The following TSKU variants were observed in gnomAD, a reference collection of about 807,000 sequenced individuals.
The protein encoded by TSKU is tsukushi.
A neutral mutation model predicts 11.2 loss-of-function variants in TSKU; 4 were observed. That is an observed-to-expected ratio of 0.36 (90% CI 0.18 to 0.82). The LOEUF is 0.82. Ranked by LOEUF, TSKU falls within the 40% of genes least tolerant of loss-of-function variation. TSKU has a pLI of 0.50. For synonymous variants in TSKU, 220 were observed against 232.2 expected (o/e 0.95, Z 0.48); for missense variants, 407 against 482.5 (o/e 0.84, Z 1.47).
chr11:76,788,674 C>T (rs948687296), intron 1 of TSKU, among the ~76,000 whole-genome samples: 3 of 152,206 alleles, frequency 2.0e-5, no homozygotes, highest in African/African-American at 4.8e-5. Flanking sequence ...TGAGGACCCT[C>T]GGAGCGGGTC....
rs969959087 is a variant in TSKU, at chr11:76,796,044, T to C, written c.428T>C (p.Leu143Pro). The change falls in exon 2 of 2, where the codon CTC becomes CCC. Residue 143 changes from leucine (L) to proline (P), a missense_variant. Coordinates refer to ENST00000333090, the MANE Select transcript of TSKU (RefSeq NM_015516.4). The surrounding 1 kb of genome is among the most constrained non-coding windows in gnomAD (Gnocchi z 4.1). ...LSDVNLSHNQLREVSVSAFTT... is the reference protein window; with the variant it reads ...LSDVNLSHNQPREVSVSAFTT... Reference sequence around the variant, plus strand: ...GACGTGAACCTTAGCCACAACCAGCTCCGGGAGGTCTCAGTGTCTGCCTTC... The same window carrying C: ...GACGTGAACCTTAGCCACAACCAGCCCCGGGAGGTCTCAGTGTCTGCCTTC... 1 of 1,613,446 alleles carries C rather than the reference T, an allele frequency of 6.2e-7. No homozygotes were observed. The highest frequency in any genetic ancestry group is 8.5e-7 in the Non-Finnish European group (1 of 1,179,904).
chr11:76,795,891 G>A lies in TSKU; in HGVS notation c.275G>A (p.Ser92Asn), dbSNP rs747578219. ...ACGACGTTGGCTGGCCTGGATCTCA[G>A]CCACAACCTGCTCACCAGCATCTCA... Reference protein sequence around the residue: ...GYTTLAGLDLSHNLLTSISPT... With the variant: ...GYTTLAGLDLNHNLLTSISPT... Residue 92 changes from serine (S) to asparagine (N), a missense_variant, in exon 2 of 2, where the codon AGC becomes AAC. Transcript: ENST00000333090. 1 of 1,613,844 alleles carries A rather than the reference G, an allele frequency of 6.2e-7. No homozygotes were observed. Among genetic ancestry groups the A allele is most frequent in the East Asian group, 2.2e-5 (1 of 44,876 alleles).
chr11:76,796,361 G>T lies in TSKU; in HGVS notation c.745G>T (p.Gly249Cys). 6.2e-7 allele frequency: 1 copy of T among 1,613,336 alleles called. No homozygotes were observed. Among genetic ancestry groups the T allele is most frequent in the Non-Finnish European group, 8.5e-7 (1 of 1,180,002 alleles). ...LQRLPELAPS[G>C]FRELPGLQVL... ...GAGGCTCCCTGAGCTGGCGCCCAGT[G>T]GCTTCCGTGAGCTACCGGGCCTGCA... The change falls in exon 2 of 2, where the codon GGC becomes TGC. Residue 249 changes from glycine (G) to cysteine (C), a missense_variant. Gly to Cys is a radical substitution (Grantham distance 159). Coordinates refer to ENST00000333090, the MANE Select transcript of TSKU (RefSeq NM_015516.4). This position sits in a 1 kb window ranked among gnomAD's most constrained non-coding sequence, Gnocchi z 4.1.
intron 1 of TSKU, among the ~76,000 whole-genome samples, chr11:76,794,056 G>C (rs1944409181): frequency 6.6e-6 from 1 of 152,170 alleles, no homozygotes; most frequent in Non-Finnish European, 1.5e-5. Flanking sequence ...GGAGGGCAGG[G>C]GCCCAGAGCA....
At chr11:76,789,125 C>T (rs752233094) in intron 1 of TSKU, among the ~76,000 whole-genome samples, 3 of 152,224 alleles carry the variant, frequency 2.0e-5, no homozygotes, top group Admixed American at 2.0e-4. Context: ...GCCCCAGTTG[C>T]CCATGATCCC....
intron 1 of TSKU, chr11:76,792,317 A>T (rs1455692039): frequency 6.6e-6 from 1 of 152,166 alleles, no homozygotes; most frequent in East Asian, 1.9e-4. Flanking sequence ...GAAGTAACTA[A>T]CTTGCTTTTG....
At chr11:76,787,531 T>C (rs991140253) in intron 1 of TSKU, among the ~76,000 whole-genome samples, 1 of 152,176 alleles carries the variant, frequency 6.6e-6, no homozygotes, top group Non-Finnish European at 1.5e-5. Flanking sequence ...GTAAAGTAGA[T>C]ATGACGCCAT....
Position 76,796,482 on chromosome 11 carries a change from C to T in TSKU, c.866C>T (p.Thr289Ile), listed in dbSNP as rs758698062. Residue 289 changes from threonine (T) to isoleucine (I), a missense_variant, in exon 2 of 2, where the codon ACC (threonine) becomes ATC (isoleucine). Thr to Ile is a moderately conservative substitution (Grantham distance 89, BLOSUM62 -1). Coordinates refer to ENST00000333090, the MANE Select transcript of TSKU (RefSeq NM_015516.4). The surrounding 1 kb of genome is among the most constrained non-coding windows in gnomAD (Gnocchi z 4.1). The part of the protein sequence containing the change: ...SSLQELDLSG[T>I]NLVPLPEALL... ...CTGCAGGAGCTGGACCTTTCGGGCA[C>T]CAACCTGGTGCCCCTGCCTGAGGCG... is the stretch of plus-strand genomic sequence containing the variant. 3.1e-6 allele frequency: 5 copies of T among 1,612,818 alleles called. No homozygotes were observed. The African/African-American group carries it at 5.3e-5, about 17-fold the overall frequency.
chr11:76,783,705 A>C (rs1944269369), intron 1 of TSKU, among the ~76,000 whole-genome samples: 2 of 151,830 alleles, frequency 1.3e-5, no homozygotes, highest in African/African-American at 4.8e-5. Context: ...GCGGTCGGGG[A>C]CGCGCCGCTG....
chr11:76,792,781 T>C, intron 1 of TSKU: 1 of 153,992 alleles, frequency 6.5e-6, no homozygotes, highest in Non-Finnish European at 1.4e-5. Context: ...TAAGTCCAAT[T>C]AAACCTCTTT....
chr11:76,790,450 C>G (rs2134394537), intron 1 of TSKU, among the ~76,000 whole-genome samples: 1 of 152,316 alleles, frequency 6.6e-6, no homozygotes, highest in African/African-American at 2.4e-5. Flanking sequence ...GATCTCTAGC[C>G]CTTGCGGCAA....
At chr11:76,783,850 G>C (rs1944271986) in intron 1 of TSKU, among the ~76,000 whole-genome samples, 1 of 152,212 alleles carries the variant, frequency 6.6e-6, no homozygotes, top group East Asian at 1.9e-4. Context: ...CTGCCGACGT[G>C]TCTGGGCTGG....
intron 1 of TSKU, among the ~76,000 whole-genome samples, chr11:76,784,694 G>T (rs756433138): frequency 2.9e-5 from 4 of 139,262 alleles, no homozygotes; most frequent in Non-Finnish European, 4.6e-5. Context: ...ATCTTTGTGC[G>T]CCCTGCCCTT....
At position 76,795,783 on chromosome 11, in the gene TSKU, T is replaced by C; in HGVS notation, c.167T>C (p.Ile56Thr). 6.2e-7 allele frequency: 1 copy of C among 1,614,042 alleles called. No individual in the cohort carries two copies. Among genetic ancestry groups the C allele is most frequent in the Non-Finnish European group, 8.5e-7 (1 of 1,180,004 alleles). The change falls in exon 2 of 2, where the codon ATC (isoleucine) becomes ACC (threonine). Residue 56 changes from isoleucine to threonine, a missense_variant. Physicochemically the swap from Ile to Thr is moderately conservative, Grantham distance 89 (BLOSUM62 -1). Transcript: ENST00000333090. ...GGCCCCCACATCATGCCGGTGCCCA[T>C]CCCTCTGGACACAGCCCACTTGGAC... Reference protein sequence around the residue: ...GLGPHIMPVPIPLDTAHLDLS... With the variant: ...GLGPHIMPVPTPLDTAHLDLS...
chr11:76,796,012 CCT>C lies in TSKU; in HGVS notation c.397_398del (p.Leu133GlufsTer6). The C allele has an allele frequency of 1.2e-6, 2 of 1,613,994 alleles. No homozygotes were observed. The highest frequency in any genetic ancestry group is 1.7e-6 in the Non-Finnish European group (2 of 1,180,034). On this transcript the variant is annotated frameshift_variant, in exon 2 of 2. Transcript: ENST00000333090. LOFTEE classifies it high-confidence loss of function. The surrounding 1 kb of genome is among the most constrained non-coding windows in gnomAD (Gnocchi z 4.1). ...CAGCCGAGAGCTTCACCAGCTCACC[CCT>C]GAGCGACGTGAACCTTAGCCACAAC... Reference protein sequence around the residue: ...LPAESFTSSPLSDVNLSHNQL... With the variant: ...LPAESFTSSPXSDVNLSHNQL...
chr11:76,784,798 A>G (rs1449293142), intron 1 of TSKU, among the ~76,000 whole-genome samples: 1 of 150,488 alleles, frequency 6.6e-6, no homozygotes, highest in African/African-American at 2.5e-5. Flanking sequence ...TTTTGAGCCT[A>G]AGTCGCAAAG....
At chr11:76,786,621 T>G (rs1432196239) in intron 1 of TSKU, among the ~76,000 whole-genome samples, 6 of 152,124 alleles carry the variant, frequency 3.9e-5, no homozygotes, top group Non-Finnish European at 1.5e-5. Flanking sequence ...GCGAGGCTGT[T>G]GCAGCAGGTC....
chr11:76,787,915 C>G (rs1035653828), intron 1 of TSKU, among the ~76,000 whole-genome samples: 1 of 152,122 alleles, frequency 6.6e-6, no homozygotes, highest in East Asian at 1.9e-4. Flanking sequence ...GGACAGTATC[C>G]CCAGGGTCAA....
At chr11:76,789,745 C>T (rs1471286295) in intron 1 of TSKU, among the ~76,000 whole-genome samples, 1 of 152,192 alleles carries the variant, frequency 6.6e-6, no homozygotes, top group Non-Finnish European at 1.5e-5. Flanking sequence ...TCCCTTTCTC[C>T]CTCAGCCTTC....
Sources: gnomAD v4.1 joint callset for allele counts (sites outside exome capture counted in the v4.1 genomes callset) on GRCh38, gnomAD v4.1.1 for gene constraint, Gnocchi (gnomAD v3.1) non-coding constraint, MANE v1.5 for transcripts, NCBI Gene and HGNC (gene_info 2026-07-23, HGNC 2026-07-21) for gene names.